Variants in IFI27L2 observed in about 807,000 individuals in gnomAD.
IFI27L2 encodes the protein interferon alpha-inducible protein 27-like protein 2.
IFI27L2 carries 8 observed loss-of-function variants against 7.9 expected under a neutral mutation model. The observed-to-expected ratio is 1.02, with a 90% confidence interval of 0.60 to 1.84. IFI27L2 has a LOEUF of 1.84. IFI27L2 is among the 40% of genes most tolerant of loss of function. The pLI is 0.00. For missense variants in IFI27L2, 190 were observed against 165.8 expected, an observed-to-expected ratio of 1.15 and a Z score of -0.80; for synonymous variants, 56 against 66.5, an observed-to-expected ratio of 0.84 and a Z score of 0.77.
chr14:94,129,379 G>T, intron 1 of IFI27L2, 88 bp from the exon 2 acceptor site: 2 of 1,024,830 alleles, frequency 2.0e-6, no homozygotes, highest in Admixed American at 1.9e-5. Flanking sequence ...GGAGGGGGAG[G>T]GAAGCAAGGA....
intron 2 of IFI27L2, 52 bp from the exon 3 acceptor site, chr14:94,128,727 T>G: frequency 2.7e-6 from 4 of 1,462,254 alleles, no homozygotes; most frequent in South Asian, 2.4e-5. Context: ...GAAGGGACCC[T>G]TCCCCCCGCC....
intron 3 of IFI27L2, 104 bp downstream of exon 3, chr14:94,128,410 G>A (rs946995049): frequency 4.3e-5 from 44 of 1,016,046 alleles, no homozygotes; most frequent in Middle Eastern, 2.1e-4. Context: ...GAAGACCCAG[G>A]AAGCTGAGGG....
At chr14:94,129,511 C>G (rs201033186) in intron 1 of IFI27L2, 47 bp downstream of exon 1, 34 of 1,589,946 alleles carry the variant, frequency 2.1e-5, no homozygotes, top group Admixed American at 8.4e-5. Flanking sequence ...GTTGGGGAAG[C>G]CTGCCCCCAG....
At position 94,128,499 on chromosome 14, in the gene IFI27L2, G is replaced by T; in HGVS notation, c.199+15C>A. 6.2e-7 allele frequency: 1 copy of T among 1,613,234 alleles called. No homozygotes were observed. Among genetic ancestry groups the T allele is most frequent in the Non-Finnish European group, 8.5e-7 (1 of 1,179,288 alleles). On this transcript the variant is annotated intron_variant, in intron 3 of 3. Coordinates refer to ENST00000238609, the MANE Select transcript of IFI27L2 (RefSeq NM_032036.3). ...ATCTTCTCGCAGCTCTGGTGGTCCTGTCTAGGACACTTACCCACGGACTGC... is the reference window on the plus strand; with the variant it reads ...ATCTTCTCGCAGCTCTGGTGGTCCTTTCTAGGACACTTACCCACGGACTGC...
At position 94,129,289 on chromosome 14, in the gene IFI27L2, G is replaced by T. The variant is rs577127970; in HGVS notation, c.10C>A (p.Arg4=). MMK[R]AAAAAVGGAL... ...CCTCCCACTGCAGCAGCAGCTGCCC[G>T]TTCTAGAGAGAGAGTGCCAGGGGAA... Residue 4 remains arginine, a splice_region_variant and synonymous_variant, in exon 2 of 4, where the codon CGG becomes AGG. Coordinates refer to ENST00000238609, the MANE Select transcript of IFI27L2 (RefSeq NM_032036.3). The T allele has an allele frequency of 6.2e-7, 1 of 1,600,114 alleles. No homozygotes were observed. Among genetic ancestry groups the T allele is most frequent in the Non-Finnish European group, 8.5e-7 (1 of 1,172,078 alleles).
chr14:94,128,453 C>A (rs967668413), intron 3 of IFI27L2, 61 bp downstream of exon 3: 2 of 1,514,696 alleles, frequency 1.3e-6, no homozygotes, highest in Non-Finnish European at 1.8e-6. Context: ...GAGCTTCCCT[C>A]GGGCTCAGCC....
chr14:94,129,217 C>T (rs781364523), intron 2 of IFI27L2, 45 bp downstream of exon 2: 5 of 1,551,184 alleles, frequency 3.2e-6, no homozygotes, highest in Non-Finnish European at 4.4e-6. Flanking sequence ...AGCCCGGGGA[C>T]CAGGCTAGGT....
chr14:94,128,675 G>A lies in IFI27L2; in HGVS notation c.38C>T (p.Ala13Val). Residue 13 changes from alanine to valine, a missense_variant and splice_region_variant, in exon 3 of 4, where the codon GCC becomes GTC. Physicochemically the swap from Ala to Val is moderately conservative, Grantham distance 64. Coordinates refer to ENST00000238609, the MANE Select transcript of IFI27L2 (RefSeq NM_032036.3). ...KRAAAAAVGG[A>V]LAVGAVPVVL... ...CACGGGCACAGCCCCCACTGCCAGG[G>A]CTGTGGGGAGAGAGAAGCTGAGTGC... The A allele has an allele frequency of 1.2e-6, 2 of 1,609,980 alleles. No individual in the cohort carries two copies. Among genetic ancestry groups the A allele is most frequent in the Non-Finnish European group, 1.7e-6 (2 of 1,178,048 alleles).
chr14:94,129,373 G>C (rs375284497), intron 1 of IFI27L2, 82 bp from the exon 2 acceptor site: 3 of 1,132,546 alleles, frequency 2.6e-6, no homozygotes, highest in Non-Finnish European at 1.3e-6. Context: ...AGGGAGGGAG[G>C]GGGAGGGAAG....
At chr14:94,129,222 CTA>C in intron 2 of IFI27L2, 38 bp downstream of exon 2, 1 of 1,575,558 alleles carries the variant, frequency 6.3e-7, no homozygotes, top group Non-Finnish European at 8.7e-7. Flanking sequence ...GGGGACCAGG[CTA>C]GGTGAGGGCC....
At chr14:94,128,840 G>T in intron 2 of IFI27L2, 165 bp from the exon 3 acceptor site, 1 of 620,976 alleles carries the variant, frequency 1.6e-6, no homozygotes, top group Non-Finnish European at 2.8e-6. Flanking sequence ...GGAGTGTGGA[G>T]CCAGGTGAAG....
At chr14:94,129,492 TG>T in intron 1 of IFI27L2, 65 bp downstream of exon 1, 1 of 1,476,360 alleles carries the variant, frequency 6.8e-7, no homozygotes, top group Non-Finnish European at 9.4e-7. Flanking sequence ...TGTCCCTTCC[TG>T]GGCTGGGGTT....
At position 94,127,852 on chromosome 14, in the gene IFI27L2, G is replaced by T. The variant is rs555343689; in HGVS notation, c.340C>A (p.Pro114Thr). Residue 114 changes from proline to threonine, a missense_variant, in exon 4 of 4, where the codon CCC (proline) becomes ACC (threonine). Transcript: ENST00000238609. Reference sequence around the variant, plus strand: ...GGGGGTTTTGGAGGTTCACCTTGGGGTACATTTTCTCTTGCCTCATCTTCT... The same window carrying T: ...GGGGGTTTTGGAGGTTCACCTTGGGTTACATTTTCTCTTGCCTCATCTTCT... ...AKEDEARENV[P>T]QGEPPKPPLK... The T allele has an allele frequency of 2.5e-6, 4 of 1,614,132 alleles. No individual in the cohort carries two copies. Among genetic ancestry groups the T allele is most frequent in the Admixed American group, 3.3e-5 (2 of 60,034 alleles).
At chr14:94,129,396 G>C in intron 1 of IFI27L2, 105 bp from the exon 2 acceptor site, 1 of 1,057,678 alleles carries the variant, frequency 9.5e-7, no homozygotes, top group South Asian at 1.3e-5. Flanking sequence ...AGGAGCGGAG[G>C]GAGGAAGGGA....
intron 2 of IFI27L2, 134 bp from the exon 3 acceptor site, chr14:94,128,809 G>T: frequency 1.4e-6 from 1 of 691,374 alleles, no homozygotes; most frequent in Non-Finnish European, 2.4e-6. Context: ...CAACTTAGTG[G>T]TCTTCTGGTG....
chr14:94,127,804 C>T lies in IFI27L2; in HGVS notation c.388G>A (p.Glu130Lys). 1 of 1,612,864 alleles carries T rather than the reference C, an allele frequency of 6.2e-7. No individual in the cohort carries two copies. Among genetic ancestry groups the T allele is most frequent in the Non-Finnish European group, 8.5e-7 (1 of 1,178,914 alleles). ...KPPLKSEKHE[E>K] ...GATGCATCTGCATGTGACCTTTATT[C>T]CTCATGTTTCTCTGACTTGAGTGGG... Residue 130 changes from glutamate (E) to lysine (K), a missense_variant, in exon 4 of 4, where the codon GAA becomes AAA. Coordinates refer to ENST00000238609, the MANE Select transcript of IFI27L2 (RefSeq NM_032036.3).
At chr14:94,128,150 G>A (rs1887618890) in intron 3 of IFI27L2, among the ~76,000 whole-genome samples, 158 bp from the exon 4 acceptor site, 1 of 152,206 alleles carries the variant, frequency 6.6e-6, no homozygotes, top group African/African-American at 2.4e-5. Context: ...CACGGAAACT[G>A]AGAGACAGAG....
At chr14:94,128,331 T>G (rs1887622414) in intron 3 of IFI27L2, 183 bp downstream of exon 3, 1 of 618,294 alleles carries the variant, frequency 1.6e-6, no homozygotes, top group African/African-American at 1.8e-5. Flanking sequence ...CAGCACCCCA[T>G]CACCCCTCCA....
Position 94,129,054 on chromosome 14 carries a change from T to C in IFI27L2, c.37+208A>G. 10 of 586,774 alleles carry C rather than the reference T, an allele frequency of 1.7e-5. No individual in the cohort carries two copies. In the South Asian group the frequency reaches 2.2e-4, roughly 13 times the overall value. 36.3% of individuals were successfully genotyped at this position (586,774 alleles called of 1,614,324 possible). A position where few individuals can be genotyped will look rare whatever the true frequency, so the allele number is the denominator to read the frequency against. ...CAAACGATCTTCCTCCTATGCTTAT[T>C]CGACATAAGGACTAGAAGAGAAGCT... On this transcript the variant is annotated intron_variant, in intron 2 of 3. Transcript: ENST00000238609.
Sources: allele counts gnomAD v4.1 joint callset (sites outside exome capture counted in the v4.1 genomes callset), GRCh38; gene constraint gnomAD v4.1.1; transcripts MANE v1.5; gene names NCBI Gene and HGNC (gene_info 2026-07-23, HGNC 2026-07-21).